UQCC1: variants seen among roughly 807,000 people sequenced by gnomAD.
UQCC1 encodes ubiquinol-cytochrome c reductase complex assembly factor 1, also known as bFGF-repressed Zic-binding protein.
UQCC1 carries 38 observed loss-of-function variants against 48.0 expected under a neutral mutation model. That is an observed-to-expected ratio of 0.79 (90% CI 0.61 to 1.04). UQCC1 has a LOEUF of 1.04. UQCC1 is among the 50% of genes least tolerant of loss of function. UQCC1 has a pLI of 0.00. For synonymous variants in UQCC1, 111 were observed against 129.2 expected (o/e 0.86, Z 0.95); for missense variants, 368 against 381.8 (o/e 0.96, Z 0.30).
intron 2 of UQCC1, among the ~76,000 whole-genome samples, chr20:35,385,220 A>G (rs2061927319): frequency 6.6e-6 from 1 of 152,226 alleles, no homozygotes; most frequent in Non-Finnish European, 1.5e-5. Context: ...GGTAAGATAT[A>G]TAAAGTGCCT....
At chr20:35,341,089 T>G (rs1405796458) in intron 7 of UQCC1, among the ~76,000 whole-genome samples, 1 of 151,598 alleles carries the variant, frequency 6.6e-6, no homozygotes, top group Non-Finnish European at 1.5e-5. Context: ...CCGGGTATGG[T>G]GCACGCCTGT....
chr20:35,364,644 G>A (rs1332670899), intron 6 of UQCC1, among the ~76,000 whole-genome samples: 1 of 152,158 alleles, frequency 6.6e-6, no homozygotes, highest in Non-Finnish European at 1.5e-5. Flanking sequence ...GAAGCAGACA[G>A]CTTCCCTCTC....
intron 2 of UQCC1, among the ~76,000 whole-genome samples, chr20:35,388,406 C>T (rs1359264961): frequency 1.3e-5 from 2 of 149,856 alleles, no homozygotes; most frequent in East Asian, 2.0e-4. Flanking sequence ...ATCCTCCTGC[C>T]TCAGCCTCCT....
intron 6 of UQCC1, among the ~76,000 whole-genome samples, chr20:35,357,928 T>C (rs2061564690): frequency 6.6e-6 from 1 of 152,104 alleles, no homozygotes; most frequent in Admixed American, 6.6e-5. Flanking sequence ...AGAGGTCAAA[T>C]TACATTTTGC....
intron 2 of UQCC1, 86 bp from the exon 3 acceptor site, chr20:35,384,219 G>A: frequency 1.6e-6 from 2 of 1,225,082 alleles, no homozygotes; most frequent in Non-Finnish European, 2.3e-6. Flanking sequence ...AAGACTATAG[G>A]ATCTTTCCAA....
chr20:35,374,046 TAGAC>T (rs2061766188), intron 5 of UQCC1, 134 bp downstream of exon 5: 14 of 633,702 alleles, frequency 2.2e-5, no homozygotes, highest in Admixed American at 3.3e-5. Context: ...AAGAGACAAA[TAGAC>T]AGTTTGGATT....
chr20:35,406,730 T>G (rs965883703), intron 1 of UQCC1, among the ~76,000 whole-genome samples: 1 of 152,208 alleles, frequency 6.6e-6, no homozygotes, highest in Non-Finnish European at 1.5e-5. Context: ...TGTTTGTAAT[T>G]CTTTTTCTTT....
intron 5 of UQCC1, among the ~76,000 whole-genome samples, chr20:35,373,342 C>G (rs555389830): frequency 6.6e-6 from 1 of 152,082 alleles, no homozygotes; most frequent in South Asian, 2.1e-4. Flanking sequence ...AAATTAAAAA[C>G]AGGAATAGCT....
Position 35,384,153 on chromosome 20 carries a change from A to G in UQCC1, c.130-20T>C. On this transcript the variant is annotated intron_variant, in intron 2 of 9. Transcript: ENST00000374385. ...GGGCCACTGAAGAATAAAAACACAG[A>G]TCTATGCAACACTGAGCACTTACAG... 1 of 1,594,702 alleles carries G rather than the reference A, an allele frequency of 6.3e-7. No individual in the cohort carries two copies. Among genetic ancestry groups the G allele is most frequent in the Non-Finnish European group, 8.6e-7 (1 of 1,162,946 alleles).
intron 7 of UQCC1, among the ~76,000 whole-genome samples, chr20:35,334,732 A>T (rs1282058375): frequency 6.6e-6 from 1 of 152,172 alleles, no homozygotes; most frequent in African/African-American, 2.4e-5. Context: ...AATAAAATGG[A>T]TGGATAGATG....
intron 6 of UQCC1, among the ~76,000 whole-genome samples, chr20:35,355,749 C>G (rs1202837568): frequency 6.6e-6 from 1 of 152,180 alleles, no homozygotes; most frequent in Non-Finnish European, 1.5e-5. Context: ...CCAAAGACAA[C>G]CTCAGCTACT....
chr20:35,367,640 G>C (rs1201317448), intron 5 of UQCC1, among the ~76,000 whole-genome samples: 3 of 151,938 alleles, frequency 2.0e-5, no homozygotes, highest in Non-Finnish European at 4.4e-5. Flanking sequence ...TGCACCTATA[G>C]TCCCAGTTAC....
At chr20:35,405,490 GCAAT>G (rs1282067048) in intron 1 of UQCC1, among the ~76,000 whole-genome samples, 1 of 152,142 alleles carries the variant, frequency 6.6e-6, no homozygotes, top group Non-Finnish European at 1.5e-5. Flanking sequence ...GGGAAAAAAT[GCAAT>G]CAATAGAAAC....
chr20:35,374,128 A>G, intron 5 of UQCC1, 56 bp downstream of exon 5: 1 of 1,433,744 alleles, frequency 7.0e-7, no homozygotes, highest in Non-Finnish European at 9.7e-7. Flanking sequence ...AAACACAACC[A>G]TAAAAATGAA....
At chr20:35,321,283 T>TGTGTGTGCGCGC (rs1389196330) in intron 7 of UQCC1, among the ~76,000 whole-genome samples, 12 of 141,592 alleles carry the variant, frequency 8.5e-5, no homozygotes, top group African/African-American at 2.6e-4. Flanking sequence ...TGTGTGTGTG[T>TGTGTGTGCGCGC]GCGCGCGCGC....
rs116345335 is a variant in UQCC1, at chr20:35,399,383, A to G, written c.25-5187T>C. Among the ~76,000 whole-genome samples, 1,040 of 152,308 alleles carry G rather than the reference A, an allele frequency of 6.8e-3. 16 individuals are homozygous for G. The highest frequency in any genetic ancestry group is 0.024 in the African/African-American group (993 of 41,560). On this transcript the variant is annotated intron_variant, in intron 1 of 9. Coordinates refer to ENST00000374385, the MANE Select transcript of UQCC1 (RefSeq NM_018244.5). ...ACCTGGTCCTTACTGGTCTTTACCA[A>G]CTGGACCCCTCTAAACTCATAATAC...
chr20:35,343,444 AC>A (rs531579128), intron 7 of UQCC1, among the ~76,000 whole-genome samples: 28 of 152,300 alleles, frequency 1.8e-4, no homozygotes, highest in African/African-American at 6.5e-4. Context: ...CACACGGAAG[AC>A]TGAGATCCCC....
intron 6 of UQCC1, 22 bp from the exon 7 acceptor site, chr20:35,347,294 A>T: frequency 6.2e-7 from 1 of 1,612,516 alleles, no homozygotes; most frequent in Non-Finnish European, 8.5e-7. Flanking sequence ...GAAGACAAAA[A>T]AAGTCTTGGC....
intron 4 of UQCC1, among the ~76,000 whole-genome samples, chr20:35,374,758 A>G (rs1329267429): frequency 6.6e-6 from 1 of 152,136 alleles, no homozygotes; most frequent in Non-Finnish European, 1.5e-5. Context: ...TTAATTTTAT[A>G]GTTTGCTGAT....
Sources: allele counts gnomAD v4.1 joint callset (sites outside exome capture counted in the v4.1 genomes callset), GRCh38; gene constraint gnomAD v4.1.1; transcripts MANE v1.5; gene names NCBI Gene and HGNC (gene_info 2026-07-23, HGNC 2026-07-21).